The following NALCN variants were observed in gnomAD, a reference collection of about 807,000 sequenced individuals.
NALCN encodes the protein sodium leak channel, non-selective.
NALCN carries 111 observed loss-of-function variants against 225.3 expected under a neutral mutation model. The observed-to-expected ratio is 0.49, with a 90% confidence interval of 0.42 to 0.58. The LOEUF (loss-of-function observed/expected upper bound fraction) is 0.58. NALCN is among the 20% of genes least tolerant of loss of function. NALCN has a pLI of 0.00. For missense variants in NALCN, 1,378 were observed against 2,202.4 expected, an observed-to-expected ratio of 0.63 and a Z score of 7.49; for synonymous variants, 764 against 769.0, an observed-to-expected ratio of 0.99 and a Z score of 0.11.
At chr13:101,340,039 G>T (rs951163982) in intron 7 of NALCN, among the ~76,000 whole-genome samples, 1 of 151,876 alleles carries the variant, frequency 6.6e-6, no homozygotes, top group East Asian at 1.9e-4. Flanking sequence ...AGGCCGAGGC[G>T]GGTGGATCAC....
intron 22 of NALCN, 122 bp downstream of exon 22, chr13:101,107,365 A>G (rs2035179967): frequency 8.0e-6 from 12 of 1,502,432 alleles, no homozygotes; most frequent in African/African-American, 1.4e-5. Flanking sequence ...AGCATGATTA[A>G]TTAGTCCGCA....
chr13:101,188,363 G>A (rs2039533308), intron 14 of NALCN, among the ~76,000 whole-genome samples: 1 of 152,072 alleles, frequency 6.6e-6, no homozygotes, highest in Non-Finnish European at 1.5e-5. Flanking sequence ...GGAAACACAT[G>A]ACCATGTATA....
At chr13:101,293,077 T>C (rs765019873) in intron 7 of NALCN, among the ~76,000 whole-genome samples, 1 of 152,162 alleles carries the variant, frequency 6.6e-6, no homozygotes, top group African/African-American at 2.4e-5. Flanking sequence ...AACAACACTA[T>C]AAGATGTTTT....
chr13:101,072,670 G>A (rs899740550), intron 37 of NALCN, among the ~76,000 whole-genome samples: 1 of 152,194 alleles, frequency 6.6e-6, no homozygotes, highest in Non-Finnish European at 1.5e-5. Context: ...AGTTTGGGGA[G>A]AGACTGGTAA....
intron 10 of NALCN, among the ~76,000 whole-genome samples, chr13:101,263,296 C>G (rs1220382456): frequency 2.0e-5 from 3 of 152,168 alleles, no homozygotes; most frequent in African/African-American, 7.2e-5. Flanking sequence ...AAATGACTGA[C>G]CTTCATAACA....
intron 6 of NALCN, among the ~76,000 whole-genome samples, chr13:101,355,559 G>A (rs981836177): frequency 6.6e-6 from 1 of 152,142 alleles, no homozygotes; most frequent in Admixed American, 6.5e-5. Flanking sequence ...CAAGTTCTTA[G>A]AGATCCACAA....
In NALCN at chr13:101,240,362, T is replaced by C. The variant is rs140405036; in HGVS notation, c.1267-2440A>G. On this transcript the variant is annotated intron_variant, in intron 11 of 43. Transcript: ENST00000251127. Reference sequence around the variant, plus strand: ...CTTTCTCTCTCTCTCTCTCTATCTATCTATGTATTTTTTCTTTTTTACTAT... The same window carrying C: ...CTTTCTCTCTCTCTCTCTCTATCTACCTATGTATTTTTTCTTTTTTACTAT... Among the ~76,000 whole-genome samples the C allele has an allele frequency of 3.0e-3, 456 of 152,050 alleles. 1 individual carries two copies. Among genetic ancestry groups the C allele is most frequent in the Non-Finnish European group, 5.3e-3 (362 of 67,888 alleles).
At chr13:101,331,368 G>A (rs187987738) in intron 7 of NALCN, among the ~76,000 whole-genome samples, 179 of 152,244 alleles carry the variant, frequency 1.2e-3, no homozygotes, top group African/African-American at 4.0e-3. Context: ...GAATTAGATA[G>A]AAATATTAGG....
chr13:101,252,005 A>C (rs2042076201), intron 11 of NALCN, among the ~76,000 whole-genome samples: 1 of 152,168 alleles, frequency 6.6e-6, no homozygotes, highest in South Asian at 2.1e-4. Flanking sequence ...TGTTGAGACA[A>C]ACACTGACTT....
rs145310113 is a variant in NALCN at position 101,145,274 on chromosome 13, T to A, written c.1840-378A>T. On this transcript the variant is annotated intron_variant, in intron 15 of 43. Transcript: ENST00000251127. Reference sequence around the variant, plus strand: ...ACATGCCTAACGCTAGAATTAAAAATTTTTAAAAACCATGAAAAATTTAAA... The same window carrying A: ...ACATGCCTAACGCTAGAATTAAAAAATTTTAAAAACCATGAAAAATTTAAA... Among the ~76,000 whole-genome samples the A allele has an allele frequency of 4.1e-3, 626 of 152,260 alleles. 9 individuals carry two copies. Among genetic ancestry groups the A allele is most frequent in the African/African-American group, 0.014 (593 of 41,542 alleles).
chr13:101,124,655 C>T lies in NALCN; in HGVS notation c.2145G>A (p.Arg715=). ...TCTCCTTTTCCAGAAGGTTCCTTGC[C>T]CTGATGCTGAAAACAGACTTGCGAA... is the stretch of plus-strand genomic sequence containing the variant. The part of the protein sequence containing the change: ...QKLRKSVFSI[R]ARNLLEKETA... The change falls in exon 18 of 44, where the codon AGG becomes AGA. Residue 715 remains arginine (R), a synonymous_variant. Transcript: ENST00000251127. The T allele has an allele frequency of 6.2e-7, 1 of 1,613,846 alleles. No homozygotes were observed. Among genetic ancestry groups the T allele is most frequent in the Non-Finnish European group, 8.5e-7 (1 of 1,179,914 alleles).
chr13:101,215,635 T>C (rs2040699164), intron 13 of NALCN, among the ~76,000 whole-genome samples: 1 of 152,118 alleles, frequency 6.6e-6, no homozygotes, highest in Non-Finnish European at 1.5e-5. Flanking sequence ...TTGATGGCTG[T>C]TGCCCAGGGT....
chr13:101,183,525 T>C (rs905743243), intron 14 of NALCN, among the ~76,000 whole-genome samples: 1 of 152,162 alleles, frequency 6.6e-6, no homozygotes, highest in Non-Finnish European at 1.5e-5. Flanking sequence ...AGTGGTGCGA[T>C]CTCAGCTCAC....
At chr13:101,302,063 T>C (rs2043992607) in intron 7 of NALCN, among the ~76,000 whole-genome samples, 1 of 152,152 alleles carries the variant, frequency 6.6e-6, no homozygotes, top group Non-Finnish European at 1.5e-5. Flanking sequence ...TCAAAGGAAA[T>C]TGAAGCAAAA....
chr13:101,101,133 A>C (rs905826553), intron 26 of NALCN, among the ~76,000 whole-genome samples: 1 of 152,120 alleles, frequency 6.6e-6, no homozygotes, highest in Non-Finnish European at 1.5e-5. Context: ...AAATGGAATA[A>C]GGTATTTTTG....
intron 10 of NALCN, among the ~76,000 whole-genome samples, chr13:101,275,001 G>A (rs1020495192): frequency 1.3e-5 from 2 of 152,040 alleles, no homozygotes; most frequent in Non-Finnish European, 2.9e-5. Flanking sequence ...TAAAAAGGGC[G>A]GTTTCAAACG....
chr13:101,380,237 C>CA (rs139158180), intron 3 of NALCN, among the ~76,000 whole-genome samples: 37,371 of 151,392 alleles, frequency 0.25, 4,843 homozygotes, highest in Non-Finnish European at 0.29. Context: ...TCAAGACTAA[C>CA]AAAAAAAAGT....
At chr13:101,347,158 C>CACAT (rs1013999379) in intron 6 of NALCN, among the ~76,000 whole-genome samples, 10 of 151,876 alleles carry the variant, frequency 6.6e-5, no homozygotes, top group Non-Finnish European at 1.2e-4. Flanking sequence ...CACACACACA[C>CACAT]ACACACACCC....
At chr13:101,076,606 C>T (rs1044036343) in intron 34 of NALCN, among the ~76,000 whole-genome samples, 15 of 152,202 alleles carry the variant, frequency 9.9e-5, no homozygotes, top group Non-Finnish European at 1.9e-4. Flanking sequence ...TGATGACAGT[C>T]ACAGATGGGC....
Sources: allele counts gnomAD v4.1 joint callset (sites outside exome capture counted in the v4.1 genomes callset), GRCh38; gene constraint gnomAD v4.1.1; transcripts MANE v1.5; gene names NCBI Gene and HGNC (gene_info 2026-07-23, HGNC 2026-07-21).